The following RSL24D1 variants were observed in gnomAD, a reference collection of about 807,000 sequenced individuals.
RSL24D1 encodes ribosomal L24 domain containing 1.
A neutral mutation model predicts 26.2 loss-of-function variants in RSL24D1; 6 were observed. That is an observed-to-expected ratio of 0.23 (90% CI 0.13 to 0.45). The LOEUF is 0.45. Among genes scored for constraint, RSL24D1 ranks in the 20% least tolerant of loss-of-function variants. RSL24D1 has a pLI of 0.99. For missense variants in RSL24D1, 176 were observed against 202.6 expected (o/e 0.87, Z 0.80); for synonymous variants, 61 against 59.1 (o/e 1.03, Z -0.15).
chr15:55,191,435 C>T (rs755909014), intron 2 of RSL24D1, among the ~76,000 whole-genome samples: 2 of 148,832 alleles, frequency 1.3e-5, no homozygotes, highest in Non-Finnish European at 3.0e-5. Context: ...CAAAAAAAGT[C>T]AACATCAAGA....
chr15:55,185,453 T>G, intron 3 of RSL24D1, 28 bp from the exon 4 acceptor site: 1 of 1,537,888 alleles, frequency 6.5e-7, no homozygotes, highest in Non-Finnish European at 8.9e-7. Context: ...AGTTAGCAAA[T>G]GTATGCACAT....
At chr15:55,192,882 A>G in intron 1 of RSL24D1, 49 bp from the exon 2 acceptor site, 1 of 1,270,690 alleles carries the variant, frequency 7.9e-7, no homozygotes, top group Non-Finnish European at 1.1e-6. Flanking sequence ...AAACTTTTCT[A>G]TCACAAGACG....
intron 4 of RSL24D1, among the ~76,000 whole-genome samples, chr15:55,185,056 C>A (rs889741831): frequency 6.6e-6 from 1 of 152,086 alleles, no homozygotes; most frequent in Non-Finnish European, 1.5e-5. Flanking sequence ...AGTATTACAT[C>A]AATGTTAATT....
At chr15:55,183,863 C>T (rs757327048) in intron 4 of RSL24D1, among the ~76,000 whole-genome samples, 43 of 152,088 alleles carry the variant, frequency 2.8e-4, no homozygotes, top group Admixed American at 3.9e-4. Flanking sequence ...GAAATGGGAG[C>T]TCAATACATA....
At chr15:55,196,474 G>A (rs2052149622) in intron 1 of RSL24D1, 1 of 543,420 alleles carries the variant, frequency 1.8e-6, no homozygotes, top group African/African-American at 1.9e-5. Context: ...AAAGTTTACT[G>A]GATTCAAGAA....
intron 1 of RSL24D1, 133 bp downstream of exon 1, chr15:55,196,677 G>A (rs1894362167): frequency 2.5e-6 from 2 of 790,506 alleles, no homozygotes; most frequent in Admixed American, 4.8e-5. Flanking sequence ...GCCCAGTTAA[G>A]CCACCCTCCC....
In RSL24D1 at chr15:55,193,290, G is replaced by A. The variant is rs569311528; in HGVS notation, c.82-457C>T. Among the ~76,000 whole-genome samples the A allele has an allele frequency of 4.5e-4, 68 of 152,202 alleles. 1 individual carries two copies. The South Asian group carries it at 8.9e-3, about 20-fold the overall frequency. On this transcript the variant is annotated intron_variant, in intron 1 of 5. Transcript: ENST00000260443. ...GTAAAACTGGTGATATAACAGATTC[G>A]TTTTCGACTTACTCACAGATCTGCT... is the stretch of plus-strand genomic sequence containing the variant.
At chr15:55,192,203 G>C (rs1313873904) in intron 2 of RSL24D1, among the ~76,000 whole-genome samples, 3 of 152,160 alleles carry the variant, frequency 2.0e-5, no homozygotes, top group Non-Finnish European at 4.4e-5. Context: ...TGCAGGGACT[G>C]AACGTGGACA....
At chr15:55,190,249 CAAAA>C (rs57254193) in intron 3 of RSL24D1, among the ~76,000 whole-genome samples, 15 of 34,468 alleles carry the variant, frequency 4.4e-4, no homozygotes, top group Admixed American at 1.1e-3. Context: ...CTTTCCAACT[CAAAA>C]AAAAAAAAAA....
At position 55,181,880 on chromosome 15, in the gene RSL24D1, A is replaced by G. The variant is rs1438258406; in HGVS notation, c.*272T>C. On this transcript the variant is annotated 3_prime_UTR_variant, in exon 6 of 6. Transcript: ENST00000260443. Reference sequence around the variant, plus strand: ...AATGCTGCCTAGTGCCATTATCCAAATAGCACAACCATTTTACGTCCACAA... The same window carrying G: ...AATGCTGCCTAGTGCCATTATCCAAGTAGCACAACCATTTTACGTCCACAA... 1.2e-5 allele frequency: 4 copies of G among 327,194 alleles called. No individual in the cohort carries two copies. Among genetic ancestry groups the G allele is most frequent in the Non-Finnish European group, 2.2e-5 (4 of 178,550 alleles). The allele number at this position is 327,194 out of a possible 1,614,324, so 20.3% of individuals were successfully genotyped here.
At chr15:55,195,184 TTCAGACGAC>T (rs1894342047) in intron 1 of RSL24D1, 3 of 152,054 alleles carry the variant, frequency 2.0e-5, no homozygotes, top group Admixed American at 2.0e-4. Context: ...GGTGAAAAGA[TTCAGACGAC>T]TCTCATGTTT....
At chr15:55,194,985 T>G (rs1207770821) in intron 1 of RSL24D1, among the ~76,000 whole-genome samples, 1 of 134,356 alleles carries the variant, frequency 7.4e-6, no homozygotes, top group Non-Finnish European at 1.5e-5. Context: ...ATCACACATC[T>G]GCACTCCAGC....
chr15:55,183,196 G>C (rs1894188421), intron 5 of RSL24D1, 119 bp downstream of exon 5: 4 of 682,240 alleles, frequency 5.9e-6, no homozygotes, highest in Non-Finnish European at 2.4e-6. Flanking sequence ...CATTTTTATA[G>C]GCCAAATCAT....
At chr15:55,189,305 T>C (rs1894267029) in intron 3 of RSL24D1, among the ~76,000 whole-genome samples, 1 of 152,192 alleles carries the variant, frequency 6.6e-6, no homozygotes, top group Non-Finnish European at 1.5e-5. Flanking sequence ...TTAGAAATCC[T>C]TGAGTTTGAA....
At chr15:55,193,571 G>A (rs1209400857) in intron 1 of RSL24D1, among the ~76,000 whole-genome samples, 5 of 152,182 alleles carry the variant, frequency 3.3e-5, no homozygotes. Context: ...AGAAAATTAA[G>A]TTGAATTATC....
chr15:55,182,031 A>C lies in RSL24D1; in HGVS notation c.*121T>G, dbSNP rs1179700753. ...ATATTATGTAGATGGCAATGCAGGA[A>C]AGATGTCTTTTAATCGCTTTTCATT... On this transcript the variant is annotated 3_prime_UTR_variant, in exon 6 of 6. Transcript: ENST00000260443. The C allele has an allele frequency of 4.8e-6, 3 of 629,728 alleles. No individual in the cohort carries two copies. The Admixed American group carries it at 8.4e-5, about 18-fold the overall frequency. The allele number at this position is 629,728 out of a possible 1,614,324, so 39.0% of individuals were successfully genotyped here.
intron 2 of RSL24D1, 188 bp downstream of exon 2, chr15:55,192,532 G>T: frequency 2.3e-6 from 1 of 434,080 alleles, no homozygotes. Flanking sequence ...GCTAAAAATA[G>T]TAGCTCCACA....
At chr15:55,187,030 A>T (rs1172346306) in intron 3 of RSL24D1, among the ~76,000 whole-genome samples, 5 of 152,162 alleles carry the variant, frequency 3.3e-5, no homozygotes. Context: ...TCAAAATAAA[A>T]ACTTTTAAAA....
chr15:55,183,490 C>T (rs138128923), intron 4 of RSL24D1, 90 bp from the exon 5 acceptor site: 2 of 868,208 alleles, frequency 2.3e-6, no homozygotes, highest in Non-Finnish European at 3.7e-6. Context: ...AATTTTGTTA[C>T]TTAAGTTAGC....
Sources: gnomAD v4.1 joint callset for allele counts (sites outside exome capture counted in the v4.1 genomes callset) on GRCh38, gnomAD v4.1.1 for gene constraint, MANE v1.5 for transcripts, NCBI Gene and HGNC (gene_info 2026-07-23, HGNC 2026-07-21) for gene names.